CDH13: variants seen among roughly 807,000 people sequenced by gnomAD.
CDH13 encodes cadherin-13.
Under a neutral mutation model 63.8 loss-of-function variants are expected in CDH13, and 24 were observed. The observed-to-expected ratio is 0.38, with a 90% CI of 0.27 to 0.53. The LOEUF (loss-of-function observed/expected upper bound fraction) is 0.53. Ranked by LOEUF, CDH13 falls within the 20% of genes least tolerant of loss-of-function variation. CDH13 has a pLI of 0.85. For synonymous variants in CDH13, 503 were observed against 355.3 expected (o/e 1.42, Z -4.67); for missense variants, 1,049 against 903.1 (o/e 1.16, Z -2.07).
intron 5 of CDH13, among the ~76,000 whole-genome samples, chr16:83,317,745 AGCCAAGACT>A (rs1041665399): frequency 2.0e-5 from 3 of 151,790 alleles, no homozygotes; most frequent in African/African-American, 7.3e-5. Flanking sequence ...GGTTGCAGTG[AGCCAAGACT>A]GCACCATTGC....
intron 2 of CDH13, among the ~76,000 whole-genome samples, chr16:83,015,523 C>T (rs1356729099): frequency 2.6e-5 from 4 of 151,094 alleles, no homozygotes; most frequent in African/African-American, 7.3e-5. Flanking sequence ...AAGGTCCTCA[C>T]TTTGTAATGT....
chr16:82,747,705 A>G (rs945555414), intron 1 of CDH13, among the ~76,000 whole-genome samples: 2 of 139,136 alleles, frequency 1.4e-5, no homozygotes, highest in African/African-American at 2.5e-5. Context: ...GAGGCTTTGA[A>G]TCCACTTACA....
rs1266064379 is a variant in CDH13, at chr16:82,636,746, C to G, written c.45+9609C>G. On this transcript the variant is annotated intron_variant, in intron 1 of 13. Coordinates refer to ENST00000567109, the MANE Select transcript of CDH13 (RefSeq NM_001257.5). ...AACTGGGCCACTCTAAAGAAACACC[C>G]AAACCAGAAAGCAAAACCCAAACCA... is the stretch of plus-strand genomic sequence containing the variant. 3.9e-5 allele frequency among the ~76,000 whole-genome samples: 6 copies of G among 152,286 alleles called. No individual in the cohort carries two copies. The East Asian group carries it at 1.2e-3, about 29-fold the overall frequency.
intron 3 of CDH13, among the ~76,000 whole-genome samples, chr16:83,122,695 A>AT (rs919566765): frequency 6.6e-6 from 1 of 152,040 alleles, no homozygotes; most frequent in African/African-American, 2.4e-5. Flanking sequence ...TATTTTTAAA[A>AT]TTTTTTTTGA....
chr16:83,264,622 G>T (rs1394416555), intron 5 of CDH13, among the ~76,000 whole-genome samples: 1 of 151,248 alleles, frequency 6.6e-6, no homozygotes, highest in Non-Finnish European at 1.5e-5. Context: ...TAACTTTTAA[G>T]GTTCTTTTTG....
chr16:83,509,447 T>G lies in CDH13; in HGVS notation c.960+22792T>G, dbSNP rs571545690. The stretch of plus-strand genomic sequence containing the variant: ...GGCTGCTGCAACTGTGCAGCTTTAC[T>G]TTTTTGTAGCACAAAAGCAAGCATA... On this transcript the variant is annotated intron_variant, in intron 7 of 13. Coordinates refer to ENST00000567109, the MANE Select transcript of CDH13 (RefSeq NM_001257.5). 2.0e-5 allele frequency among the ~76,000 whole-genome samples: 3 copies of G among 152,332 alleles called. No individual in the cohort carries two copies. The East Asian group carries it at 5.8e-4, about 29-fold the overall frequency.
chr16:83,019,794 C>A (rs1915170742), intron 2 of CDH13, among the ~76,000 whole-genome samples: 2 of 146,994 alleles, frequency 1.4e-5, no homozygotes, highest in Non-Finnish European at 3.0e-5. Context: ...CCATGCCCGG[C>A]CAGTAAACCT....
At chr16:83,144,904 A>C (rs2036682467) in intron 4 of CDH13, among the ~76,000 whole-genome samples, 2 of 152,128 alleles carry the variant, frequency 1.3e-5, no homozygotes, top group Admixed American at 1.3e-4. Flanking sequence ...TGGGCTGCAG[A>C]GGGTAGGTTA....
In CDH13 at chr16:83,719,490, A is replaced by G. The variant is rs1160979229; in HGVS notation, c.1539-28618A>G. On this transcript the variant is annotated intron_variant, in intron 10 of 13. Transcript: ENST00000567109. ...GATCCGTAGCCTGAATGTCTGTGTCATGGTCAAGCTCCAGGTCTTTTCCAG... is the reference window on the plus strand; with the variant it reads ...GATCCGTAGCCTGAATGTCTGTGTCGTGGTCAAGCTCCAGGTCTTTTCCAG... 2.6e-5 allele frequency among the ~76,000 whole-genome samples: 4 copies of G among 152,238 alleles called. No homozygotes were observed. In the East Asian group the frequency reaches 7.8e-4, roughly 30 times the overall value.
At chr16:83,045,634 T>TAAAAAAAAAAAAAAAAAAAAAA (rs71382861) in intron 3 of CDH13, among the ~76,000 whole-genome samples, 7 of 107,950 alleles carry the variant, frequency 6.5e-5, no homozygotes, top group African/African-American at 2.6e-4. Flanking sequence ...AAGATTCCTT[T>TAAAAAAAAAAAAAAAAAAAAAA]AAAAAAAAAA....
At chr16:83,745,845 C>T (rs950948732) in intron 10 of CDH13, among the ~76,000 whole-genome samples, 5 of 152,080 alleles carry the variant, frequency 3.3e-5, no homozygotes, top group African/African-American at 9.7e-5. Context: ...ACTCTATCCT[C>T]AGAGGCCACC....
chr16:83,531,565 G>A lies in CDH13; in HGVS notation c.960+44910G>A, dbSNP rs149971440. Among the ~76,000 whole-genome samples, 182 of 152,266 alleles carry A rather than the reference G, an allele frequency of 1.2e-3. 2 individuals carry two copies. The highest frequency in any genetic ancestry group is 4.1e-3 in the African/African-American group (171 of 41,562). On this transcript the variant is annotated intron_variant, in intron 7 of 13. Coordinates refer to ENST00000567109, the MANE Select transcript of CDH13 (RefSeq NM_001257.5). ...GCCTTTCACTTTCCACCATGATTGT[G>A]AGGCCTCTCAGCCAGATATGCTCAA...
At chr16:82,817,898 A>C (rs1418024802) in intron 1 of CDH13, among the ~76,000 whole-genome samples, 1 of 152,182 alleles carries the variant, frequency 6.6e-6, no homozygotes, top group Admixed American at 6.5e-5. Context: ...TTTACATACA[A>C]ATGCATGCAT....
intron 2 of CDH13, among the ~76,000 whole-genome samples, chr16:83,002,810 G>A (rs762349649): frequency 4.6e-5 from 7 of 152,136 alleles, no homozygotes; most frequent in Non-Finnish European, 8.8e-5. Flanking sequence ...GAATGAAACT[G>A]CAAAGGCCGT....
chr16:83,169,734 TATTTG>T (rs2037843190), intron 4 of CDH13, among the ~76,000 whole-genome samples: 1 of 152,116 alleles, frequency 6.6e-6, no homozygotes, highest in Admixed American at 6.6e-5. Context: ...GCCAGCTAGT[TATTTG>T]AATTAATTGG....
intron 2 of CDH13, among the ~76,000 whole-genome samples, chr16:82,908,996 G>A (rs1312507373): frequency 6.6e-6 from 1 of 152,138 alleles, no homozygotes; most frequent in Admixed American, 6.5e-5. Context: ...GTATGCATGG[G>A]TCAGGGTATA....
At chr16:83,142,440 G>A (rs2036574855) in intron 4 of CDH13, among the ~76,000 whole-genome samples, 1 of 152,128 alleles carries the variant, frequency 6.6e-6, no homozygotes, top group African/African-American at 2.4e-5. Flanking sequence ...ACAGGTGTGA[G>A]CCACAGTGCC....
intron 4 of CDH13, among the ~76,000 whole-genome samples, chr16:83,193,439 A>G (rs535591887): frequency 1.3e-5 from 2 of 152,338 alleles, no homozygotes; most frequent in South Asian, 2.1e-4. Flanking sequence ...GAGAAGACAC[A>G]CATTGTATTT....
chr16:82,698,090 A>G (rs2150986587), intron 1 of CDH13, among the ~76,000 whole-genome samples: 1 of 152,264 alleles, frequency 6.6e-6, no homozygotes, highest in Middle Eastern at 3.4e-3. Flanking sequence ...AGACTCATGG[A>G]ATTTAACTTG....
Sources: gnomAD v4.1 joint callset for allele counts (sites outside exome capture counted in the v4.1 genomes callset) on GRCh38, gnomAD v4.1.1 for gene constraint, MANE v1.5 for transcripts, NCBI Gene and HGNC (gene_info 2026-07-23, HGNC 2026-07-21) for gene names.